Variants in KLHL1 observed in about 807,000 individuals in gnomAD.
KLHL1 encodes the protein kelch like family member 1.
KLHL1 carries 47 observed loss-of-function variants against 77.7 expected under a neutral mutation model. The observed-to-expected ratio is 0.60, with a 90% confidence interval of 0.48 to 0.77. The LOEUF is 0.77. Among genes scored for constraint, KLHL1 ranks in the 30% least tolerant of loss-of-function variants. The pLI, the probability that KLHL1 is intolerant of heterozygous loss-of-function variation, is 0.00. For missense variants in KLHL1, 925 were observed against 910.8 expected (o/e 1.02, Z -0.20); for synonymous variants, 360 against 325.2 (o/e 1.11, Z -1.15).
In KLHL1 at chr13:69,851,230, G is replaced by T. The variant is rs1482778359; in HGVS notation, c.1228-12068C>A. 2.0e-5 allele frequency among the ~76,000 whole-genome samples: 3 copies of T among 151,516 alleles called. No individual in the cohort carries two copies. The East Asian group carries it at 5.8e-4, about 29-fold the overall frequency. On this transcript the variant is annotated intron_variant, in intron 5 of 10. Coordinates refer to ENST00000377844, the MANE Select transcript of KLHL1 (RefSeq NM_020866.3). ...ATTCTGTTATTTATAATTACATTTT[G>T]CAAGAAGATAATTAGAAAAGGATAT...
intron 5 of KLHL1, among the ~76,000 whole-genome samples, chr13:69,870,107 A>G (rs1880522828): frequency 6.6e-6 from 1 of 152,172 alleles, no homozygotes; most frequent in Admixed American, 6.5e-5. Flanking sequence ...GAGACTGTGT[A>G]ATTTATAAAT....
intron 5 of KLHL1, among the ~76,000 whole-genome samples, chr13:69,866,250 T>G (rs1880361617): frequency 6.6e-6 from 1 of 152,262 alleles, no homozygotes; most frequent in Non-Finnish European, 1.5e-5. Flanking sequence ...CATTATTATT[T>G]ATGACTCTAT....
At chr13:70,001,101 TTTAA>T (rs1885277359) in intron 1 of KLHL1, among the ~76,000 whole-genome samples, 1 of 151,300 alleles carries the variant, frequency 6.6e-6, no homozygotes, top group South Asian at 2.1e-4. Context: ...ATAAGTAGTA[TTTAA>T]TTATTTGTTG....
chr13:70,036,835 C>CTTTTTTTTTTTTTTTTTTTT (rs5804467), intron 1 of KLHL1, among the ~76,000 whole-genome samples: 2 of 50,686 alleles, frequency 3.9e-5, no homozygotes. Context: ...ATGCCATGGT[C>CTTTTTTTTTTTTTTTTTTTT]TTTTTTTTTT....
intron 1 of KLHL1, among the ~76,000 whole-genome samples, chr13:70,098,724 A>T (rs1285083552): frequency 6.6e-6 from 1 of 151,792 alleles, no homozygotes; most frequent in Non-Finnish European, 1.5e-5. Context: ...TGGATATAAG[A>T]AATGGAATTA....
chr13:69,914,254 A>C (rs1308411198), intron 4 of KLHL1, among the ~76,000 whole-genome samples: 1 of 152,170 alleles, frequency 6.6e-6, no homozygotes, highest in Non-Finnish European at 1.5e-5. Context: ...CTTGACTGAG[A>C]CGCAGAGCAC....
In KLHL1 at chr13:69,707,305, G is replaced by A. The variant is rs1479718370; in HGVS notation, c.2187+320C>T. ...CTAAAACCAAACATTATAAGTTAAGGTTTTGTGAACCAATATATTACACTT... is the reference window on the plus strand; with the variant it reads ...CTAAAACCAAACATTATAAGTTAAGATTTTGTGAACCAATATATTACACTT... On this transcript the variant is annotated intron_variant, in intron 10 of 10. Transcript: ENST00000377844. 5.9e-5 allele frequency among the ~76,000 whole-genome samples: 9 copies of A among 151,994 alleles called. 1 individual carries two copies. Among genetic ancestry groups the A allele is most frequent in the Admixed American group, 5.9e-4 (9 of 15,208 alleles).
intron 1 of KLHL1, among the ~76,000 whole-genome samples, chr13:70,095,503 T>C (rs1887767260): frequency 6.6e-6 from 1 of 152,182 alleles, no homozygotes; most frequent in African/African-American, 2.4e-5. Context: ...TGCTTGCCCA[T>C]GAAGTCAGTC....
At chr13:70,043,927 C>T (rs1886436639) in intron 1 of KLHL1, among the ~76,000 whole-genome samples, 1 of 152,216 alleles carries the variant, frequency 6.6e-6, no homozygotes, top group Admixed American at 6.5e-5. Context: ...CTCAATCACA[C>T]TTCTGCAATT....
At chr13:69,716,135 C>T (rs1876110876) in intron 9 of KLHL1, among the ~76,000 whole-genome samples, 1 of 152,138 alleles carries the variant, frequency 6.6e-6, no homozygotes, top group Non-Finnish European at 1.5e-5. Flanking sequence ...TCAACATCCA[C>T]CCATCCTTCC....
intron 7 of KLHL1, among the ~76,000 whole-genome samples, chr13:69,757,668 T>C (rs1874812707): frequency 6.6e-6 from 1 of 152,068 alleles, no homozygotes; most frequent in Admixed American, 6.6e-5. Context: ...TAAGATCACA[T>C]GTTGGCCTGG....
At chr13:70,088,767 A>C (rs975203691) in intron 1 of KLHL1, among the ~76,000 whole-genome samples, 2 of 152,204 alleles carry the variant, frequency 1.3e-5, no homozygotes, top group Non-Finnish European at 2.9e-5. Flanking sequence ...TTAAAATTTT[A>C]AACATATTAG....
At chr13:69,753,312 A>G (rs1250046417) in intron 7 of KLHL1, among the ~76,000 whole-genome samples, 1 of 152,200 alleles carries the variant, frequency 6.6e-6, no homozygotes, top group African/African-American at 2.4e-5. Flanking sequence ...AACCAATTGA[A>G]GTAAAAATTT....
Position 69,780,104 on chromosome 13 carries a change from A to C in KLHL1, c.1639+16634T>G, listed in dbSNP as rs115824624. Among the ~76,000 whole-genome samples the C allele has an allele frequency of 9.9e-3, 1,514 of 152,256 alleles. 31 individuals are homozygous for C. The highest frequency in any genetic ancestry group is 0.035 in the African/African-American group (1,435 of 41,536). The stretch of plus-strand genomic sequence containing the variant: ...ATGACAGGCATGAGCCACCGTGCCC[A>C]GCCATTTTTTCTATTTTATCAATCA... On this transcript the variant is annotated intron_variant, in intron 7 of 10. Transcript: ENST00000377844.
intron 1 of KLHL1, among the ~76,000 whole-genome samples, chr13:70,105,530 G>C (rs1444937549): frequency 6.6e-6 from 1 of 151,360 alleles, no homozygotes; most frequent in Non-Finnish European, 1.5e-5. Flanking sequence ...TTCCTGAGCT[G>C]TTAGAGTCTC....
chr13:69,724,756 A>G (rs1873221859), intron 8 of KLHL1, among the ~76,000 whole-genome samples: 1 of 152,164 alleles, frequency 6.6e-6, no homozygotes. Flanking sequence ...GATCATCTCA[A>G]TAGATGCAGA....
intron 7 of KLHL1, among the ~76,000 whole-genome samples, chr13:69,777,572 C>A (rs942982569): frequency 6.6e-6 from 1 of 152,098 alleles, no homozygotes; most frequent in Non-Finnish European, 1.5e-5. Flanking sequence ...TTGTGGTTTG[C>A]TACCCAAATA....
intron 7 of KLHL1, among the ~76,000 whole-genome samples, chr13:69,748,559 T>C (rs10047674): frequency 0.24 from 36,023 of 151,774 alleles, 4,455 homozygotes; most frequent in South Asian, 0.32. Flanking sequence ...GGGAGTATAA[T>C]TCAAGATGAG....
intron 3 of KLHL1, among the ~76,000 whole-genome samples, chr13:69,940,834 G>A (rs1019276142): frequency 1.5e-5 from 2 of 133,266 alleles, no homozygotes; most frequent in Non-Finnish European, 3.2e-5. Context: ...GTGCTTTAGT[G>A]TTTCCTCTGT....
Sources: gnomAD v4.1 joint callset for allele counts (sites outside exome capture counted in the v4.1 genomes callset) on GRCh38, gnomAD v4.1.1 for gene constraint, MANE v1.5 for transcripts, NCBI Gene and HGNC (gene_info 2026-07-23, HGNC 2026-07-21) for gene names.